Variants in LSM7 observed in about 807,000 individuals in gnomAD.
LSM7 encodes the protein LSM7 homolog, U6 small nuclear RNA and mRNA degradation associated, also known as U6 snRNA-associated Sm-like protein LSm7.
LSM7 carries 13 observed loss-of-function variants against 14.1 expected under a neutral mutation model. The observed-to-expected ratio is 0.92, with a 90% CI of 0.60 to 1.47. The LOEUF (loss-of-function observed/expected upper bound fraction) is 1.47. LSM7 is among the 40% of genes most tolerant of loss of function. LSM7 has a pLI of 0.00. For missense variants in LSM7, 108 were observed against 140.8 expected, an observed-to-expected ratio of 0.77 and a Z score of 1.18; for synonymous variants, 70 against 57.1, an observed-to-expected ratio of 1.23 and a Z score of -1.02.
chr19:2,324,027 GCTGCCCCCCTCGTCCCA>G (rs930692037), intron 3 of LSM7, 81 bp downstream of exon 3: 24 of 901,064 alleles, frequency 2.7e-5, no homozygotes, highest in South Asian at 3.3e-5. Flanking sequence ...GAGCCCCACG[GCTGCCCCCCTCGTCCCA>G]CTGCCCCCCT....
chr19:2,322,210 C>T (rs1967945339), intron 3 of LSM7, among the ~76,000 whole-genome samples: 1 of 152,186 alleles, frequency 6.6e-6, no homozygotes, highest in Non-Finnish European at 1.5e-5. Flanking sequence ...CTGCAAGGTC[C>T]CTGGAGCCCT....
intron 3 of LSM7, 72 bp downstream of exon 3, chr19:2,324,053 C>A (rs954668968): frequency 5.3e-6 from 5 of 947,146 alleles, no homozygotes; most frequent in Admixed American, 2.3e-5. Context: ...CACTGCCCCC[C>A]TCGTCCCGCT....
rs919154759 is a variant in LSM7 at position 2,321,694 on chromosome 19, G to A, written c.298C>T (p.Gln100Ter). The change falls in exon 4 of 4, where the codon CAG becomes TAG. Residue 100 changes from glutamine to a stop codon, truncating the protein, a stop_gained. Coordinates refer to ENST00000252622, the MANE Select transcript of LSM7 (RefSeq NM_016199.3). LOFTEE classifies it high-confidence loss of function. This position sits in a 1 kb window ranked among gnomAD's most constrained non-coding sequence, Gnocchi z 5.0. Reference sequence around the variant, plus strand: ...CCCCGGCCAGGCTAGGCGTCCTGCTGCTGGATGAAGGGGTTGGGGATGGCC... The same window carrying A: ...CCCCGGCCAGGCTAGGCGTCCTGCTACTGGATGAAGGGGTTGGGGATGGCC... Reference protein sequence around the residue: ...MEAIPNPFIQQQDA With the variant: ...MEAIPNPFIQ The A allele has an allele frequency of 2.6e-6, 4 of 1,551,216 alleles. No homozygotes were observed. Among genetic ancestry groups the A allele is most frequent in the African/African-American group, 1.4e-5 (1 of 73,082 alleles).
intron 1 of LSM7, 32 bp downstream of exon 1, chr19:2,328,529 C>A (rs374732572): frequency 2.6e-5 from 41 of 1,605,396 alleles, no homozygotes; most frequent in Non-Finnish European, 3.5e-5. Context: ...GAGCTCCACG[C>A]CCCCCGGCTC....
chr19:2,323,942 G>T (rs372553824), intron 3 of LSM7, among the ~76,000 whole-genome samples, 183 bp downstream of exon 3: 2 of 152,164 alleles, frequency 1.3e-5, no homozygotes, highest in Non-Finnish European at 2.9e-5. Flanking sequence ...GCTCAAGCCC[G>T]TCCATCGGCC....
intron 2 of LSM7, 149 bp from the exon 3 acceptor site, chr19:2,324,345 C>T: frequency 3.1e-6 from 2 of 641,818 alleles, no homozygotes; most frequent in Non-Finnish European, 5.7e-6. Context: ...TGGCCGATGA[C>T]AGCCGCCTCC....
At chr19:2,324,531 A>G in intron 2 of LSM7, 1 of 360,622 alleles carries the variant, frequency 2.8e-6, no homozygotes, top group East Asian at 4.9e-5. Context: ...AGCTCTACTC[A>G]CAGGCACTGA....
chr19:2,322,648 C>A lies in LSM7; in HGVS notation c.170-826G>T, dbSNP rs978877569. Among the ~76,000 whole-genome samples the A allele has an allele frequency of 5.3e-5, 8 of 152,158 alleles. No homozygotes were observed. The East Asian group carries it at 5.8e-4, about 11-fold the overall frequency. On this transcript the variant is annotated intron_variant, in intron 3 of 3. Coordinates refer to ENST00000252622, the MANE Select transcript of LSM7 (RefSeq NM_016199.3). ...AGACAAGCTCTCAAGAGGCTGAAGG[C>A]GATTAAAACTCCTCACTACTGTGGT...
Position 2,328,543 on chromosome 19 carries a change from A to G in LSM7, c.6+18T>C. 1.9e-6 allele frequency: 3 copies of G among 1,601,002 alleles called. No individual in the cohort carries two copies. The highest frequency in any genetic ancestry group is 2.6e-6 in the Non-Finnish European group (3 of 1,174,690). On this transcript the variant is annotated intron_variant, in intron 1 of 3. Transcript: ENST00000252622. ...CGAGCTCCACGCCCCCCGGCTCCAGATTCCGCCGCGCGCTCACCGCCATCT... is the reference window on the plus strand; with the variant it reads ...CGAGCTCCACGCCCCCCGGCTCCAGGTTCCGCCGCGCGCTCACCGCCATCT...
Position 2,321,906 on chromosome 19 carries a change from C to T in LSM7, c.170-84G>A. 2.4e-6 allele frequency: 3 copies of T among 1,257,994 alleles called. No homozygotes were observed. Among genetic ancestry groups the T allele is most frequent in the Non-Finnish European group, 3.1e-6 (3 of 974,480 alleles). 77.9% of individuals were successfully genotyped at this position (1,257,994 alleles called of 1,614,324 possible). ...ACCCACCCAAGACCCTCGCTCCGAC[C>T]TCCCCACCTGCACCCTGCAGGCGCC... is the stretch of plus-strand genomic sequence containing the variant. On this transcript the variant is annotated intron_variant, in intron 3 of 3. Transcript: ENST00000252622. This position sits in a 1 kb window ranked among gnomAD's most constrained non-coding sequence, Gnocchi z 5.0.
rs1310040362 is a variant in LSM7 at position 2,328,457 on chromosome 19, C to T, written c.27G>A (p.Lys9=). The T allele has an allele frequency of 6.2e-7, 1 of 1,613,912 alleles. No individual in the cohort carries two copies. Among genetic ancestry groups the T allele is most frequent in the East Asian group, 2.2e-5 (1 of 44,860 alleles). ...ACTTGGACAAGTCCAAGATGCTCTC[C>T]TTTTTCTTCTTCTCCTTATCCTGCG... is the stretch of plus-strand genomic sequence containing the variant. The part of the protein sequence containing the change: MADKEKKK[K]ESILDLSKYI... The change falls in exon 2 of 4, where the codon AAG becomes AAA. Residue 9 remains lysine (K), a synonymous_variant. Transcript: ENST00000252622.
In LSM7 at chr19:2,324,193, C is replaced by A; in HGVS notation, c.101G>T (p.Ser34Ile). The change falls in exon 3 of 4, where the codon AGT becomes ATT. Residue 34 changes from serine (S) to isoleucine (I), a missense_variant. Coordinates refer to ENST00000252622, the MANE Select transcript of LSM7 (RefSeq NM_016199.3). Reference protein sequence around the residue: ...RVKFQGGREASGILKGFDPLL... With the variant: ...RVKFQGGREAIGILKGFDPLL... ...TGGGTCGAAGCCCTTCAGGATTCCA[C>A]TGGCTTGGAGAAATCACCGGGGGAG... 1.3e-6 allele frequency: 2 copies of A among 1,577,656 alleles called. No individual in the cohort carries two copies. The highest frequency in any genetic ancestry group is 1.7e-6 in the Non-Finnish European group (2 of 1,162,024).
chr19:2,324,144 G>C lies in LSM7; in HGVS notation c.150C>G (p.Gly50=). 2 of 1,575,942 alleles carry C rather than the reference G, an allele frequency of 1.3e-6. No homozygotes were observed. Among genetic ancestry groups the C allele is most frequent in the Non-Finnish European group, 1.7e-6 (2 of 1,161,522 alleles). The change falls in exon 3 of 4, where the codon GGC becomes GGG. Residue 50 remains glycine, a synonymous_variant. Transcript: ENST00000252622. Reference sequence around the variant, plus strand: ...ACTCACCTCGCATGTACTCAATGGTGCCGTCCAGCACAAGGTTGAGGAGTG... The same window carrying C: ...ACTCACCTCGCATGTACTCAATGGTCCCGTCCAGCACAAGGTTGAGGAGTG... ...FDPLLNLVLD[G]TIEYMRDPDD... is the part of the protein sequence containing the mutation.
intron 2 of LSM7, among the ~76,000 whole-genome samples, chr19:2,325,342 G>A (rs1342380686): frequency 2.1e-5 from 3 of 145,700 alleles, no homozygotes; most frequent in East Asian, 2.1e-4. Context: ...TCCTGCAGCC[G>A]AGGCCCAGCA....
Position 2,328,561 on chromosome 19 carries a change from C to T in LSM7, c.6G>A (p.Ala2=). 2 of 1,590,130 alleles carry T rather than the reference C, an allele frequency of 1.3e-6. No individual in the cohort carries two copies. Among genetic ancestry groups the T allele is most frequent in the Non-Finnish European group, 1.7e-6 (2 of 1,169,814 alleles). Residue 2 remains alanine, a splice_region_variant and synonymous_variant, in exon 1 of 4, where the codon GCG becomes GCA. Transcript: ENST00000252622. M[A]DKEKKKKESI... is the part of the protein sequence containing the mutation. ...GCTCCAGATTCCGCCGCGCGCTCAC[C>T]GCCATCTTGTCGCGCCGTGTGGCTC...
chr19:2,322,478 T>C (rs1250329889), intron 3 of LSM7, among the ~76,000 whole-genome samples: 1 of 152,252 alleles, frequency 6.6e-6, no homozygotes, highest in East Asian at 1.9e-4. Flanking sequence ...GAGGCGGAGC[T>C]TGCAGTGAGC....
At chr19:2,328,517 C>T (rs571863959) in intron 1 of LSM7, 40 bp from the exon 2 acceptor site, 229 of 1,609,814 alleles carry the variant, frequency 1.4e-4, no homozygotes, top group Non-Finnish European at 1.8e-4. Context: ...GGAGCGCGGC[C>T]CGAGCTCCAC....
intron 3 of LSM7, among the ~76,000 whole-genome samples, chr19:2,322,590 G>T (rs1386948879): frequency 6.6e-6 from 1 of 152,048 alleles, no homozygotes; most frequent in Non-Finnish European, 1.5e-5. Context: ...GGACCATGTG[G>T]GCTGGCACCC....
intron 3 of LSM7, among the ~76,000 whole-genome samples, chr19:2,323,594 GCA>G (rs1887414777): frequency 6.6e-6 from 1 of 152,174 alleles, no homozygotes. Context: ...GGGATTACAG[GCA>G]TGCGCCACCA....
Sources: allele counts gnomAD v4.1 joint callset (sites outside exome capture counted in the v4.1 genomes callset), GRCh38; gene constraint gnomAD v4.1.1; non-coding constraint Gnocchi (gnomAD v3.1); transcripts MANE v1.5; gene names NCBI Gene and HGNC (gene_info 2026-07-23, HGNC 2026-07-21).